The following GALNTL5 variants were observed in gnomAD, a reference collection of about 807,000 sequenced individuals.
GALNTL5 encodes the protein polypeptide N-acetylgalactosaminyltransferase like 5.
GALNTL5 carries 44 observed loss-of-function variants against 51.0 expected under a neutral mutation model. The ratio of observed to expected loss-of-function variants is 0.86; its 90% CI spans 0.68 to 1.11. The LOEUF (loss-of-function observed/expected upper bound fraction) is 1.11. Ranked by LOEUF, GALNTL5 falls within the 50% of genes least tolerant of loss-of-function variation. The pLI, the probability that GALNTL5 is intolerant of heterozygous loss-of-function variation, is 0.00. For missense variants in GALNTL5, 528 were observed against 531.8 expected, an observed-to-expected ratio of 0.99 and a Z score of 0.07; for synonymous variants, 192 against 182.8, an observed-to-expected ratio of 1.05 and a Z score of -0.41.
In GALNTL5 at chr7:151,978,010, T is replaced by A. The variant is rs1162041012; in HGVS notation, c.369-4976T>A. On this transcript the variant is annotated intron_variant, in intron 3 of 8. Transcript: ENST00000392800. Reference sequence around the variant, plus strand: ...TTTTGATTATACTTACTAATTTTACTTTTTTGTCTTCCAATTCATTAATTT... The same window carrying A: ...TTTTGATTATACTTACTAATTTTACATTTTTGTCTTCCAATTCATTAATTT... Among the ~76,000 whole-genome samples the A allele has an allele frequency of 2.0e-5, 3 of 152,168 alleles. No individual in the cohort carries two copies. The East Asian group carries it at 5.8e-4, about 29-fold the overall frequency.
At chr7:152,017,048 AAAAAG>A (rs532848628) in intron 8 of GALNTL5, among the ~76,000 whole-genome samples, 6 of 151,918 alleles carry the variant, frequency 3.9e-5, no homozygotes, top group Non-Finnish European at 7.4e-5. Context: ...CAAAAAAAAA[AAAAAG>A]AAAAGAAAAG....
At chr7:151,986,597 T>TG in intron 4 of GALNTL5, among the ~76,000 whole-genome samples, 1 of 152,254 alleles carries the variant, frequency 6.6e-6, no homozygotes, top group Middle Eastern at 3.4e-3. Context: ...ATCATGCCAC[T>TG]GCACTCCAAC....
rs75744395 is a variant in GALNTL5 at position 152,014,847 on chromosome 7, G to C, written c.1176+54G>C. 5,411 of 1,499,226 alleles carry C rather than the reference G, an allele frequency of 3.6e-3. 121 individuals are homozygous for C. In the East Asian group the frequency reaches 0.05, roughly 14 times the overall value. 92.9% of individuals were successfully genotyped at this position (1,499,226 alleles called of 1,614,324 possible). ...TGTATGCGAGGCCGGAGCAGGACTTGTTCTGAGGAAGCCTGCTGCTGCCTT... is the reference window on the plus strand; with the variant it reads ...TGTATGCGAGGCCGGAGCAGGACTTCTTCTGAGGAAGCCTGCTGCTGCCTT... On this transcript the variant is annotated intron_variant, in intron 8 of 8. Coordinates refer to ENST00000392800, the MANE Select transcript of GALNTL5 (RefSeq NM_145292.4).
chr7:151,997,499 T>C (rs771072626), intron 5 of GALNTL5, among the ~76,000 whole-genome samples: 4 of 152,240 alleles, frequency 2.6e-5, no homozygotes, highest in Admixed American at 6.5e-5. Flanking sequence ...CTGTTAAATA[T>C]TTTATGATGA....
At chr7:151,969,075 C>G (rs1324327443) in intron 2 of GALNTL5, among the ~76,000 whole-genome samples, 1 of 151,982 alleles carries the variant, frequency 6.6e-6, no homozygotes, top group South Asian at 2.1e-4. Flanking sequence ...CCTTTTTATT[C>G]TCTTTAATGG....
At chr7:151,997,594 A>G (rs1268751542) in intron 5 of GALNTL5, among the ~76,000 whole-genome samples, 1 of 152,194 alleles carries the variant, frequency 6.6e-6, no homozygotes, top group East Asian at 1.9e-4. Flanking sequence ...GTAATACCCC[A>G]TATTAATTTT....
In GALNTL5 at chr7:151,962,436, C is replaced by CTTTTTTTTTTTTTTTT. The variant is rs61210832; in HGVS notation, c.-39-4757_-39-4756insTTTTTTTTTTTTTTTT. On this transcript the variant is annotated intron_variant, in intron 1 of 8. Coordinates refer to ENST00000392800, the MANE Select transcript of GALNTL5 (RefSeq NM_145292.4). ...AAAAAAGTCTGTGTGATTTTTTTTTCTTTTTTTTTTTTTTTGGTTAATGCA... is the reference window on the plus strand; with the variant it reads ...AAAAAAGTCTGTGTGATTTTTTTTTCTTTTTTTTTTTTTTTTTTTTTTTTTTTTTTTGGTTAATGCA... Among the ~76,000 whole-genome samples the CTTTTTTTTTTTTTTTT allele has an allele frequency of 3.0e-4, 35 of 116,226 alleles. 2 individuals carry two copies. Among genetic ancestry groups the CTTTTTTTTTTTTTTTT allele is most frequent in the South Asian group, 5.7e-4 (2 of 3,502 alleles). 76.2% of individuals were successfully genotyped at this position (116,226 alleles called of 152,430 possible).
intron 8 of GALNTL5, 95 bp downstream of exon 8, chr7:152,014,888 T>G: frequency 8.5e-7 from 1 of 1,183,270 alleles, no homozygotes; most frequent in Non-Finnish European, 1.2e-6. Context: ...ATCCAGCGTT[T>G]GTTCTGGAGG....
chr7:151,977,476 C>T (rs947726029), intron 3 of GALNTL5, among the ~76,000 whole-genome samples: 9 of 152,124 alleles, frequency 5.9e-5, no homozygotes, highest in African/African-American at 9.7e-5. Context: ...CAATTCATCT[C>T]TGGAGGTTAA....
chr7:152,006,903 G>C (rs1376930936), intron 6 of GALNTL5, among the ~76,000 whole-genome samples: 1 of 152,042 alleles, frequency 6.6e-6, no homozygotes, highest in African/African-American at 2.4e-5. Flanking sequence ...GGGTAGCTGG[G>C]ATTACAGGCG....
At chr7:151,988,512 T>C (rs2081388809) in intron 5 of GALNTL5, among the ~76,000 whole-genome samples, 1 of 152,086 alleles carries the variant, frequency 6.6e-6, no homozygotes. Flanking sequence ...AAAATTGGAC[T>C]CTCTTTTTCC....
At chr7:151,977,430 C>T (rs538837095) in intron 3 of GALNTL5, among the ~76,000 whole-genome samples, 1 of 152,220 alleles carries the variant, frequency 6.6e-6, no homozygotes, top group African/African-American at 2.4e-5. Context: ...AGATTCTGAG[C>T]TCATAGGTTC....
At chr7:151,992,929 C>T (rs368486046) in intron 5 of GALNTL5, among the ~76,000 whole-genome samples, 4 of 152,100 alleles carry the variant, frequency 2.6e-5, no homozygotes, top group East Asian at 3.9e-4. Flanking sequence ...GCACACGCAT[C>T]GCATCTGTGT....
At chr7:151,975,524 G>A (rs12538479) in intron 3 of GALNTL5, among the ~76,000 whole-genome samples, 55,416 of 151,170 alleles carry the variant, frequency 0.37, 11,086 homozygotes, top group Middle Eastern at 0.48. Flanking sequence ...TCTTTGTTTG[G>A]TTTGTCTTTT....
Position 151,965,052 on chromosome 7 carries a change from A to G in GALNTL5, c.-39-2156A>G, listed in dbSNP as rs142707006. On this transcript the variant is annotated intron_variant, in intron 1 of 8. Coordinates refer to ENST00000392800, the MANE Select transcript of GALNTL5 (RefSeq NM_145292.4). ...CTCTACCAGTCTACTTCTCCAAAGAAGAAACCACTCTGACTCCTGCCTGGG... is the reference window on the plus strand; with the variant it reads ...CTCTACCAGTCTACTTCTCCAAAGAGGAAACCACTCTGACTCCTGCCTGGG... 4.6e-3 allele frequency among the ~76,000 whole-genome samples: 702 copies of G among 152,288 alleles called. 2 individuals carry two copies. Among genetic ancestry groups the G allele is most frequent in the African/African-American group, 0.015 (627 of 41,568 alleles).
intron 2 of GALNTL5, 128 bp downstream of exon 2, chr7:151,967,621 A>G (rs1055738062): frequency 3.1e-6 from 2 of 647,850 alleles, no homozygotes; most frequent in Non-Finnish European, 5.1e-6. Flanking sequence ...ATTATTTTAT[A>G]TAGTGTATAT....
chr7:152,003,041 T>C (rs2081602741), intron 6 of GALNTL5, 78 bp downstream of exon 6: 1 of 1,236,720 alleles, frequency 8.1e-7, no homozygotes, highest in African/African-American at 1.5e-5. Context: ...CAGAGATTAT[T>C]CTTTCAAGTT....
chr7:152,002,760 A>G lies in GALNTL5; in HGVS notation c.705A>G (p.Val235=), dbSNP rs940293530. ...FLDSHCEVNR[V]WLEPLLHAIA... ...ACAGCCACTGTGAGGTGAACAGAGT[A>G]TGGCTGGAGCCCCTGCTGCATGCCA... is the stretch of plus-strand genomic sequence containing the variant. Residue 235 remains valine (V), a synonymous_variant, in exon 6 of 9, where the codon GTA becomes GTG. Coordinates refer to ENST00000392800, the MANE Select transcript of GALNTL5 (RefSeq NM_145292.4). 1.2e-6 allele frequency: 2 copies of G among 1,614,030 alleles called. No homozygotes were observed. The highest frequency in any genetic ancestry group is 1.7e-6 in the Non-Finnish European group (2 of 1,180,018).
chr7:151,991,959 A>T (rs868417837), intron 5 of GALNTL5, among the ~76,000 whole-genome samples: 39 of 152,194 alleles, frequency 2.6e-4, no homozygotes, highest in African/African-American at 8.7e-4. Flanking sequence ...GTGTTTTGTC[A>T]TTTGCTCTAT....
Sources: gnomAD v4.1 joint callset for allele counts (sites outside exome capture counted in the v4.1 genomes callset) on GRCh38, gnomAD v4.1.1 for gene constraint, MANE v1.5 for transcripts, NCBI Gene and HGNC (gene_info 2026-07-23, HGNC 2026-07-21) for gene names.